The following OTULINL variants were observed in gnomAD, a reference collection of about 807,000 sequenced individuals.
The protein encoded by OTULINL is inactive ubiquitin thioesterase OTULINL.
A neutral mutation model predicts 43.9 loss-of-function variants in OTULINL; 42 were observed. The observed-to-expected ratio is 0.96, with a 90% CI of 0.75 to 1.24. The LOEUF is 1.24. Ranked by LOEUF, OTULINL falls within the 50% of genes most tolerant of loss-of-function variation. The probability of loss-of-function intolerance (pLI) is 0.00; values close to 1 mark genes in which losing one functional copy is unlikely to be tolerated. For missense variants in OTULINL, 411 were observed against 426.4 expected (o/e 0.96, Z 0.32); for synonymous variants, 172 against 153.6 (o/e 1.12, Z -0.88).
At chr5:14,593,905 A>T (rs914276834) in intron 1 of OTULINL, among the ~76,000 whole-genome samples, 3 of 152,186 alleles carry the variant, frequency 2.0e-5, no homozygotes, top group Admixed American at 2.0e-4. Flanking sequence ...GACAGCCTAC[A>T]GTTGAATGTC....
rs5866109 is a variant in OTULINL at position 14,600,932 on chromosome 5, C to CTTTTTTTTTTTT, written c.65-25_65-14dup. On this transcript the variant is annotated intron_variant, in intron 1 of 7. Transcript: ENST00000274217. ...AGCAAACTTGTGTAATTGTGATGTG[C>CTTTTTTTTTTTT]TTTTTTTTTTTTTTTTTTTGTAATT... is the stretch of plus-strand genomic sequence containing the variant. The CTTTTTTTTTTTT allele has an allele frequency of 5.8e-6, 7 of 1,198,868 alleles. 1 individual carries two copies. Among genetic ancestry groups the CTTTTTTTTTTTT allele is most frequent in the East Asian group, 6.3e-5 (2 of 31,972 alleles). 74.3% of individuals were successfully genotyped at this position (1,198,868 alleles called of 1,614,324 possible).
intron 1 of OTULINL, among the ~76,000 whole-genome samples, chr5:14,598,261 C>T (rs948329144): frequency 1.3e-5 from 2 of 152,196 alleles, no homozygotes; most frequent in African/African-American, 4.8e-5. Flanking sequence ...GTGAGCACCA[C>T]CCTGTGGGAA....
chr5:14,614,605 A>G lies in OTULINL; in HGVS notation c.*4291A>G, dbSNP rs942963344. The stretch of plus-strand genomic sequence containing the variant: ...ATGGTTTATAAGTGGACAGAAAAAC[A>G]CTCACTCACGTATTCAGCCACGTAT... On this transcript the variant is annotated 3_prime_UTR_variant, in exon 8 of 8. Transcript: ENST00000274217. 10 of 398,618 alleles carry G rather than the reference A, an allele frequency of 2.5e-5. No individual in the cohort carries two copies. The highest frequency in any genetic ancestry group is 8.8e-5 in the Admixed American group (2 of 22,730). The allele number at this position is 398,618 out of a possible 1,614,324, so 24.7% of individuals were successfully genotyped here.
Position 14,602,259 on chromosome 5 carries a change from G to A in OTULINL, c.425G>A (p.Arg142Lys). Residue 142 changes from arginine (R) to lysine (K), a missense_variant, in exon 5 of 8, where the codon AGA becomes AAA. Arg to Lys is a conservative substitution (Grantham distance 26). Coordinates refer to ENST00000274217, the MANE Select transcript of OTULINL (RefSeq NM_019018.3). ...QVRRDNYDAL[R>K]SVLFQIFSQG... ...AGGAGAGATAACTATGATGCTCTCAGATCAGTGTTATTTCAGATATTCAGC... is the reference window on the plus strand; with the variant it reads ...AGGAGAGATAACTATGATGCTCTCAAATCAGTGTTATTTCAGATATTCAGC... 1 of 1,613,296 alleles carries A rather than the reference G, an allele frequency of 6.2e-7. No homozygotes were observed. Among genetic ancestry groups the A allele is most frequent in the Non-Finnish European group, 8.5e-7 (1 of 1,179,324 alleles).
intron 1 of OTULINL, among the ~76,000 whole-genome samples, chr5:14,589,400 C>T (rs1175182669): frequency 2.6e-5 from 4 of 151,878 alleles, no homozygotes; most frequent in East Asian, 1.9e-4. Flanking sequence ...GGGAGGCAGG[C>T]GTGAGCTCTA....
rs1157407991 is a variant in OTULINL, at chr5:14,615,248, C to T, written c.*4934C>T. Among the ~76,000 whole-genome samples the T allele has an allele frequency of 5.3e-5, 8 of 152,326 alleles. No individual in the cohort carries two copies. The highest frequency in any genetic ancestry group is 4.6e-4 in the Admixed American group (7 of 15,300). ...CCAAACACAAATGGCTGAGACACTC[C>T]TGGCCCATTTCTTGTCATCGCTGCC... On this transcript the variant is annotated 3_prime_UTR_variant, in exon 8 of 8. Coordinates refer to ENST00000274217, the MANE Select transcript of OTULINL (RefSeq NM_019018.3).
chr5:14,610,402 C>A lies in OTULINL; in HGVS notation c.*88C>A. On this transcript the variant is annotated 3_prime_UTR_variant, in exon 8 of 8. Coordinates refer to ENST00000274217, the MANE Select transcript of OTULINL (RefSeq NM_019018.3). ...CTCTCTGAAACCAAAGCTAGCATTT[C>A]AGCATGGAAGGAATTAGGACCTTTT... 7.2e-7 allele frequency: 1 copy of A among 1,395,782 alleles called. No individual in the cohort carries two copies. The highest frequency in any genetic ancestry group is 9.9e-7 in the Non-Finnish European group (1 of 1,009,286). 86.5% of individuals were successfully genotyped at this position (1,395,782 alleles called of 1,614,324 possible). A position where few individuals can be genotyped will look rare whatever the true frequency, so the allele number is the denominator to read the frequency against.
chr5:14,595,640 C>CTTTTTTTTTTTTTTTTT (rs61482298), intron 1 of OTULINL, among the ~76,000 whole-genome samples: 3 of 57,110 alleles, frequency 5.3e-5, no homozygotes, highest in South Asian at 9.1e-4. Flanking sequence ...AAAAACGGTG[C>CTTTTTTTTTTTTTTTTT]TTTTTTTTTT....
At chr5:14,608,485 G>A (rs767576686) in intron 6 of OTULINL, among the ~76,000 whole-genome samples, 2 of 152,102 alleles carry the variant, frequency 1.3e-5, no homozygotes, top group Non-Finnish European at 2.9e-5. Context: ...ACCTAATCAC[G>A]TCCCAAAGGA....
chr5:14,588,831 C>T (rs188751895), intron 1 of OTULINL, among the ~76,000 whole-genome samples: 92 of 152,310 alleles, frequency 6.0e-4, no homozygotes, highest in African/African-American at 2.1e-3. Flanking sequence ...TCTTAACAAG[C>T]CCTTCTGAAA....
intron 1 of OTULINL, among the ~76,000 whole-genome samples, chr5:14,595,665 T>C (rs397754500): frequency 7.1e-6 from 1 of 140,092 alleles, no homozygotes; most frequent in Non-Finnish European, 1.5e-5. Context: ...TTTTTTTTTT[T>C]TTGTGTAGTT....
intron 1 of OTULINL, among the ~76,000 whole-genome samples, chr5:14,594,600 C>T (rs980712616): frequency 6.6e-6 from 1 of 152,190 alleles, no homozygotes; most frequent in Non-Finnish European, 1.5e-5. Flanking sequence ...GGCATCCAGC[C>T]CAGGGGGGAA....
chr5:14,583,084 G>A (rs1033820465), intron 1 of OTULINL, among the ~76,000 whole-genome samples: 1 of 152,198 alleles, frequency 6.6e-6, no homozygotes, highest in African/African-American at 2.4e-5. Flanking sequence ...CAGTGATTAT[G>A]GCAAATTGGC....
At chr5:14,583,341 C>T (rs917763953) in intron 1 of OTULINL, among the ~76,000 whole-genome samples, 5 of 152,152 alleles carry the variant, frequency 3.3e-5, no homozygotes, top group Admixed American at 6.5e-5. Context: ...TTTTTTCAAC[C>T]TTTCTGCACC....
chr5:14,609,136 A>G, intron 7 of OTULINL, 119 bp downstream of exon 7: 1 of 989,696 alleles, frequency 1.0e-6, no homozygotes, highest in Non-Finnish European at 1.5e-6. Flanking sequence ...GAGGTGGTTG[A>G]TTGATATTAT....
chr5:14,582,645 C>T (rs879582425), intron 1 of OTULINL, among the ~76,000 whole-genome samples: 5 of 151,778 alleles, frequency 3.3e-5, no homozygotes, highest in South Asian at 2.1e-4. Flanking sequence ...GAAACCTTGT[C>T]TCTACTAAAA....
At chr5:14,608,062 T>G (rs961519425) in intron 6 of OTULINL, among the ~76,000 whole-genome samples, 7 of 152,234 alleles carry the variant, frequency 4.6e-5, no homozygotes, top group Non-Finnish European at 8.8e-5. Context: ...CAGTGAATGT[T>G]AAAGCACACT....
At position 14,615,026 on chromosome 5, in the gene OTULINL, T is replaced by TG. The variant is rs1390374052; in HGVS notation, c.*4715dup. The TG allele has an allele frequency of 1.5e-5, 5 of 325,222 alleles. No homozygotes were observed. Among genetic ancestry groups the TG allele is most frequent in the Non-Finnish European group, 2.2e-5 (4 of 180,466 alleles). 20.1% of individuals were successfully genotyped at this position (325,222 alleles called of 1,614,324 possible). A position where few individuals can be genotyped will look rare whatever the true frequency, so the allele number is the denominator to read the frequency against. On this transcript the variant is annotated 3_prime_UTR_variant, in exon 8 of 8. Transcript: ENST00000274217. Reference sequence around the variant, plus strand: ...TTAAGTATTTTCATCGTAGTCTAGATGGGCTGTAAAACCCATTTCCACACG... The same window carrying TG: ...TTAAGTATTTTCATCGTAGTCTAGATGGGGCTGTAAAACCCATTTCCACACG...
At chr5:14,586,605 T>C (rs1411475487) in intron 1 of OTULINL, among the ~76,000 whole-genome samples, 1 of 152,244 alleles carries the variant, frequency 6.6e-6, no homozygotes, top group Non-Finnish European at 1.5e-5. Flanking sequence ...TGTAGAATTA[T>C]TGGATAGACA....
Sources: allele counts gnomAD v4.1 joint callset (sites outside exome capture counted in the v4.1 genomes callset), GRCh38; gene constraint gnomAD v4.1.1; transcripts MANE v1.5; gene names NCBI Gene and HGNC (gene_info 2026-07-23, HGNC 2026-07-21).